The following NPFFR2 variants were observed in gnomAD, a reference collection of about 807,000 sequenced individuals.
NPFFR2 encodes the protein neuropeptide FF receptor 2, also known as G-protein coupled receptor 74.
Under a neutral mutation model 13.1 loss-of-function variants are expected in NPFFR2, and 15 were observed. The ratio of observed to expected loss-of-function variants is 1.15; its 90% CI spans 0.77 to 1.76. NPFFR2 has a LOEUF of 1.76. Ranked by LOEUF, NPFFR2 falls within the 40% of genes most tolerant of loss-of-function variation. The pLI is 0.00. For synonymous variants in NPFFR2, 190 were observed against 175.7 expected, an observed-to-expected ratio of 1.08 and a Z score of -0.65; for missense variants, 572 against 503.5, an observed-to-expected ratio of 1.14 and a Z score of -1.30.
chr4:72,033,011 T>A lies in NPFFR2; in HGVS notation c.-8+811T>A, dbSNP rs571709610. Among the ~76,000 whole-genome samples, 215 of 152,362 alleles carry A rather than the reference T, an allele frequency of 1.4e-3. 1 individual carries two copies. Among genetic ancestry groups the A allele is most frequent in the African/African-American group, 4.6e-3 (192 of 41,582 alleles). On this transcript the variant is annotated intron_variant, in intron 1 of 3. Coordinates refer to ENST00000308744, the MANE Select transcript of NPFFR2 (RefSeq NM_004885.3). ...TACAAAGATGCTGGTTTCCTTTTTT[T>A]AATCCAAATATTCAAAGTTGTTTTA...
intron 1 of NPFFR2, among the ~76,000 whole-genome samples, chr4:72,101,909 A>G (rs1024958303): frequency 6.6e-6 from 1 of 152,078 alleles, no homozygotes; most frequent in African/African-American, 2.4e-5. Flanking sequence ...AAATAAACAT[A>G]CAAATATTGA....
chr4:72,047,087 C>T (rs1195148520), intron 1 of NPFFR2, among the ~76,000 whole-genome samples: 2 of 151,392 alleles, frequency 1.3e-5, no homozygotes, highest in South Asian at 2.1e-4. Flanking sequence ...TACAGTGAGA[C>T]GTGAGGGATG....
chr4:72,148,134 T>C lies in NPFFR2; in HGVS notation c.*322T>C. The C allele has an allele frequency of 4.9e-6, 1 of 204,388 alleles. No individual in the cohort carries two copies. Among genetic ancestry groups the C allele is most frequent in the Non-Finnish European group, 9.7e-6 (1 of 103,000 alleles). 12.7% of individuals were successfully genotyped at this position (204,388 alleles called of 1,614,324 possible). ...TCAAGCCTGCACGCGTGCGTGCATG[T>C]GTGTGTGTATTTTCCCCAAATGGTG... On this transcript the variant is annotated 3_prime_UTR_variant, in exon 4 of 4. Coordinates refer to ENST00000308744, the MANE Select transcript of NPFFR2 (RefSeq NM_004885.3).
At chr4:72,117,998 G>C (rs1721761438) in intron 1 of NPFFR2, among the ~76,000 whole-genome samples, 1 of 151,570 alleles carries the variant, frequency 6.6e-6, no homozygotes, top group Non-Finnish European at 1.5e-5. Flanking sequence ...CCAAAAGGGA[G>C]GAAGAAAGGA....
Position 72,100,767 on chromosome 4 carries a change from G to GTT in NPFFR2, c.-7-27818_-7-27817insTT, listed in dbSNP as rs1431139153. On this transcript the variant is annotated intron_variant, in intron 1 of 3. Transcript: ENST00000308744. ...ACAAAATATGTTATCTGAACACAGTGGTAATAACATAATAATTGAACACAT... is the reference window on the plus strand; with the variant it reads ...ACAAAATATGTTATCTGAACACAGTGTTGTAATAACATAATAATTGAACACAT... Among the ~76,000 whole-genome samples, 9 of 151,970 alleles carry GTT rather than the reference G, an allele frequency of 5.9e-5. No homozygotes were observed. The East Asian group carries it at 1.2e-3, about 20-fold the overall frequency.
At chr4:72,142,045 G>A (rs1212732492) in intron 3 of NPFFR2, among the ~76,000 whole-genome samples, 1 of 152,104 alleles carries the variant, frequency 6.6e-6, no homozygotes, top group African/African-American at 2.4e-5. Context: ...ATCTTTGTCA[G>A]TTTAACGTCT....
chr4:72,043,723 C>A (rs548008537), intron 1 of NPFFR2, among the ~76,000 whole-genome samples: 2 of 152,324 alleles, frequency 1.3e-5, no homozygotes, highest in South Asian at 2.1e-4. Flanking sequence ...AAGTAACCAA[C>A]TTGCTTTTCA....
At chr4:72,048,060 TACAC>T (rs575813094) in intron 1 of NPFFR2, among the ~76,000 whole-genome samples, 10 of 152,072 alleles carry the variant, frequency 6.6e-5, no homozygotes, top group Non-Finnish European at 1.2e-4. Flanking sequence ...GTGTATGTAT[TACAC>T]ACACGTATAT....
chr4:72,082,521 C>G (rs952429043), intron 1 of NPFFR2, among the ~76,000 whole-genome samples: 1 of 152,096 alleles, frequency 6.6e-6, no homozygotes, highest in Non-Finnish European at 1.5e-5. Flanking sequence ...TATTTATACA[C>G]TATATAATTT....
intron 1 of NPFFR2, among the ~76,000 whole-genome samples, chr4:72,035,923 C>T (rs1298288769): frequency 1.3e-5 from 2 of 152,048 alleles, no homozygotes; most frequent in South Asian, 2.1e-4. Flanking sequence ...ACTGATGTGC[C>T]TTTTTCTAGT....
At chr4:72,105,537 G>A (rs927481008) in intron 1 of NPFFR2, among the ~76,000 whole-genome samples, 3 of 151,912 alleles carry the variant, frequency 2.0e-5, no homozygotes, top group East Asian at 1.9e-4. Flanking sequence ...ACTAATAAAT[G>A]TAAGGAAAGA....
intron 1 of NPFFR2, among the ~76,000 whole-genome samples, chr4:72,093,749 T>A (rs1449672101): frequency 1.3e-5 from 2 of 152,092 alleles, no homozygotes; most frequent in African/African-American, 2.4e-5. Flanking sequence ...TCATTTTTTT[T>A]ATTTCTTTAA....
intron 1 of NPFFR2, among the ~76,000 whole-genome samples, chr4:72,115,255 T>C (rs1027796641): frequency 6.6e-6 from 1 of 152,200 alleles, no homozygotes; most frequent in African/African-American, 2.4e-5. Context: ...AAGTGGAACA[T>C]AATGCACATT....
rs1483619471 is a variant in NPFFR2, at chr4:72,124,361, T to C, written c.-7-4224T>C. Among the ~76,000 whole-genome samples, 6 of 152,140 alleles carry C rather than the reference T, an allele frequency of 3.9e-5. No individual in the cohort carries two copies. In the South Asian group the frequency reaches 1.2e-3, roughly 32 times the overall value. On this transcript the variant is annotated intron_variant, in intron 1 of 3. Transcript: ENST00000308744. ...AGAGTCAATGCTATCCCCATCAAGC[T>C]ACGACTGACTTTCTTCACAGAATTA...
At chr4:72,134,390 T>C (rs1019788851) in intron 2 of NPFFR2, among the ~76,000 whole-genome samples, 2 of 152,188 alleles carry the variant, frequency 1.3e-5, no homozygotes, top group Non-Finnish European at 2.9e-5. Context: ...ATGTTTTCAA[T>C]ATTTTTCCTT....
At chr4:72,074,856 A>T (rs1720378807) in intron 1 of NPFFR2, among the ~76,000 whole-genome samples, 1 of 151,776 alleles carries the variant, frequency 6.6e-6, no homozygotes, top group South Asian at 2.1e-4. Flanking sequence ...GGTAATAAAA[A>T]TTCAGAAGAA....
chr4:72,047,285 T>C (rs1421361924), intron 1 of NPFFR2, among the ~76,000 whole-genome samples: 1 of 152,016 alleles, frequency 6.6e-6, no homozygotes, highest in Non-Finnish European at 1.5e-5. Context: ...ATCAAGACCA[T>C]GGAAGAAAGA....
intron 1 of NPFFR2, among the ~76,000 whole-genome samples, chr4:72,070,832 A>G (rs1330465524): frequency 2.0e-5 from 3 of 152,096 alleles, no homozygotes; most frequent in African/African-American, 7.2e-5. Context: ...AATAGGTTTA[A>G]TGATTGAAAA....
At chr4:72,053,186 G>A (rs886092724) in intron 1 of NPFFR2, among the ~76,000 whole-genome samples, 3 of 151,778 alleles carry the variant, frequency 2.0e-5, no homozygotes, top group Non-Finnish European at 2.9e-5. Flanking sequence ...GACTCATTTT[G>A]TCAACAACTT....
Sources: allele counts gnomAD v4.1 joint callset (sites outside exome capture counted in the v4.1 genomes callset), GRCh38; gene constraint gnomAD v4.1.1; transcripts MANE v1.5; gene names NCBI Gene and HGNC (gene_info 2026-07-23, HGNC 2026-07-21).